KLHL20: variants seen among roughly 807,000 people sequenced by gnomAD.
KLHL20 encodes the protein kelch like family member 20, also known as kelch-like protein 20.
In KLHL20, 29 loss-of-function variants were observed where a neutral mutation model predicts 69.5. The observed-to-expected ratio is 0.42, with a 90% CI of 0.31 to 0.57. KLHL20 has a LOEUF of 0.57. KLHL20 is among the 20% of genes least tolerant of loss of function. The probability of loss-of-function intolerance (pLI) is 0.18; values close to 1 mark genes in which losing one functional copy is unlikely to be tolerated. For synonymous variants in KLHL20, 253 were observed against 265.2 expected, an observed-to-expected ratio of 0.95 and a Z score of 0.45; for missense variants, 419 against 776.0, an observed-to-expected ratio of 0.54 and a Z score of 5.47.
chr1:173,732,735 GTC>G (rs1672345473), intron 2 of KLHL20, among the ~76,000 whole-genome samples: 1 of 152,140 alleles, frequency 6.6e-6, no homozygotes, highest in Non-Finnish European at 1.5e-5. Context: ...ATTGAAGAAT[GTC>G]TGTTTATGAA....
At chr1:173,735,605 T>G (rs1672492590) in intron 3 of KLHL20, among the ~76,000 whole-genome samples, 1 of 152,134 alleles carries the variant, frequency 6.6e-6, no homozygotes, top group African/African-American at 2.4e-5. Flanking sequence ...AGGACCATAG[T>G]TTTTTTCCCC....
intron 10 of KLHL20, among the ~76,000 whole-genome samples, chr1:173,779,735 A>G (rs537075323): frequency 7.9e-5 from 12 of 152,300 alleles, no homozygotes; most frequent in African/African-American, 2.6e-4. Context: ...TATTAGATCT[A>G]TATATTGCAA....
At chr1:173,773,416 TTAAA>T (rs1178132258) in intron 8 of KLHL20, among the ~76,000 whole-genome samples, 1 of 150,112 alleles carries the variant, frequency 6.7e-6, no homozygotes, top group Non-Finnish European at 1.5e-5. Flanking sequence ...ACCCCTATTT[TTAAA>T]TAAATAAATA....
chr1:173,765,376 G>A (rs941070495), intron 7 of KLHL20, among the ~76,000 whole-genome samples: 7 of 152,146 alleles, frequency 4.6e-5, no homozygotes, highest in Admixed American at 1.3e-4. Context: ...GGTGGCGGGC[G>A]CCTGTAGTCC....
intron 7 of KLHL20, among the ~76,000 whole-genome samples, chr1:173,759,649 G>A (rs981746908): frequency 6.6e-6 from 1 of 152,140 alleles, no homozygotes; most frequent in Non-Finnish European, 1.5e-5. Context: ...TGGTTCACAG[G>A]AAGCCACATC....
intron 8 of KLHL20, 56 bp from the exon 9 acceptor site, chr1:173,774,249 T>C (rs1243287899): frequency 6.2e-6 from 10 of 1,607,872 alleles, no homozygotes; most frequent in Non-Finnish European, 7.7e-6. Flanking sequence ...TCAGATCTTA[T>C]GAAAAAGGCT....
chr1:173,732,583 C>T (rs1415119893), intron 2 of KLHL20, among the ~76,000 whole-genome samples: 1 of 152,128 alleles, frequency 6.6e-6, no homozygotes, highest in Admixed American at 6.5e-5. Context: ...CTGTTACTTT[C>T]TATTTCATTT....
chr1:173,745,176 T>TC (rs1310895314), intron 3 of KLHL20, among the ~76,000 whole-genome samples: 4 of 138,336 alleles, frequency 2.9e-5, no homozygotes, highest in East Asian at 3.9e-4. Flanking sequence ...TTTTCTTTTT[T>TC]TTTTTTTTTT....
At chr1:173,774,725 A>C (rs1343276407) in intron 9 of KLHL20, among the ~76,000 whole-genome samples, 1 of 123,720 alleles carries the variant, frequency 8.1e-6, no homozygotes, top group Non-Finnish European at 1.6e-5. Context: ...CTTTTCCTCC[A>C]TCACAACTTC....
chr1:173,762,710 A>G (rs1053175792), intron 7 of KLHL20, among the ~76,000 whole-genome samples: 2 of 152,148 alleles, frequency 1.3e-5, no homozygotes, highest in Non-Finnish European at 2.9e-5. Flanking sequence ...TCTCAGCAAA[A>G]TTGGCATACA....
At chr1:173,769,780 CAA>C (rs5779440) in intron 8 of KLHL20, among the ~76,000 whole-genome samples, 1,883 of 86,950 alleles carry the variant, frequency 0.022, 46 homozygotes, top group African/African-American at 0.071. Context: ...GACCCTGTCT[CAA>C]AAAAAAAAAA....
rs1035955116 is a variant in KLHL20 at position 173,734,076 on chromosome 1, C to G, written c.387C>G (p.Ser129=). The change falls in exon 3 of 12, where the codon TCC becomes TCG. Residue 129 remains serine, a synonymous_variant. Transcript: ENST00000209884. ...MELLIDFAYT[S]QITVEEGNVQ... is the part of the protein sequence containing the mutation. ...TACTGATTGACTTTGCGTATACCTC[C>G]CAGATAACAGTAGAAGAGGGCAATG... 3 of 1,614,170 alleles carry G rather than the reference C, an allele frequency of 1.9e-6. No homozygotes were observed. The highest frequency in any genetic ancestry group is 3.3e-4 in the Middle Eastern group (2 of 6,062).
At chr1:173,731,909 C>A (rs1046411109) in intron 2 of KLHL20, among the ~76,000 whole-genome samples, 1 of 151,610 alleles carries the variant, frequency 6.6e-6, no homozygotes. Flanking sequence ...AAATAAAAAC[C>A]AATAACGGCT....
rs555859398 is a variant in KLHL20, at chr1:173,753,209, A to C, written c.757-4A>C. On this transcript the variant is annotated splice_polypyrimidine_tract_variant and splice_region_variant and intron_variant, in intron 4 of 11. Coordinates refer to ENST00000209884, the MANE Select transcript of KLHL20 (RefSeq NM_014458.4). ...TTAAAATAATGGTGTTTATTTTCTC[A>C]TAGGTGCTGCAGCATGTTCGTTTGC... 1.9e-6 allele frequency: 3 copies of C among 1,611,714 alleles called. No homozygotes were observed. The highest frequency in any genetic ancestry group is 4.5e-5 in the East Asian group (2 of 44,848).
intron 2 of KLHL20, among the ~76,000 whole-genome samples, chr1:173,733,021 C>CTTTT (rs746523298): frequency 3.2e-5 from 4 of 125,744 alleles, no homozygotes; most frequent in East Asian, 2.3e-4. Flanking sequence ...TCAATCCAGA[C>CTTTT]TTTTTTTTTT....
At chr1:173,776,807 G>A (rs189856977) in intron 10 of KLHL20, among the ~76,000 whole-genome samples, 9 of 152,222 alleles carry the variant, frequency 5.9e-5, no homozygotes, top group Middle Eastern at 3.4e-3. Context: ...GTCTCATACC[G>A]TTTTAGTTAC....
In KLHL20 at chr1:173,775,704, A is replaced by G. The variant is rs1480041614; in HGVS notation, c.1500A>G (p.Leu500=). 3.1e-6 allele frequency: 5 copies of G among 1,614,092 alleles called. No homozygotes were observed. Among genetic ancestry groups the G allele is most frequent in the Non-Finnish European group, 4.2e-6 (5 of 1,180,030 alleles). ...CTATGGGGACCCGGAGGAAACACCTAGGCTGTGCAGTATATCAGGACATGA... is the reference window on the plus strand; with the variant it reads ...CTATGGGGACCCGGAGGAAACACCTGGGCTGTGCAGTATATCAGGACATGA... ...IAPMGTRRKH[L]GCAVYQDMIY... The change falls in exon 10 of 12, where the codon CTA becomes CTG. Residue 500 remains leucine (L), a synonymous_variant. Transcript: ENST00000209884.
At chr1:173,776,059 G>A (rs1019063918) in intron 10 of KLHL20, among the ~76,000 whole-genome samples, 7 of 152,144 alleles carry the variant, frequency 4.6e-5, no homozygotes, top group African/African-American at 1.7e-4. Flanking sequence ...CAGCAGTGTA[G>A]GAGGGTTCCC....
Position 173,733,929 on chromosome 1 carries a change from T to G in KLHL20, c.240T>G (p.Tyr80Ter). The change falls in exon 3 of 12, where the codon TAT becomes TAG. Residue 80 changes from tyrosine to a stop codon, truncating the protein, a stop_gained. Coordinates refer to ENST00000209884, the MANE Select transcript of KLHL20 (RefSeq NM_014458.4). LOFTEE classifies it high-confidence loss of function. ...TAGTTGTGGGCGCCAAGAAGATATA[T>G]GCCCATCGAGTCATTTTGTCAGCCT... ...VVLVVGAKKI[Y>*]AHRVILSACS... 1 of 1,614,194 alleles carries G rather than the reference T, an allele frequency of 6.2e-7. No individual in the cohort carries two copies. The highest frequency in any genetic ancestry group is 8.5e-7 in the Non-Finnish European group (1 of 1,180,022).
Sources: gnomAD v4.1 joint callset for allele counts (sites outside exome capture counted in the v4.1 genomes callset) on GRCh38, gnomAD v4.1.1 for gene constraint, MANE v1.5 for transcripts, NCBI Gene and HGNC (gene_info 2026-07-23, HGNC 2026-07-21) for gene names.